PPFIA4: variants seen among roughly 807,000 people sequenced by gnomAD.
The protein encoded by PPFIA4 is liprin-alpha-4.
In PPFIA4, 98 loss-of-function variants were observed where a neutral mutation model predicts 145.7. The ratio of observed to expected loss-of-function variants is 0.67; its 90% confidence interval spans 0.57 to 0.80. The LOEUF (loss-of-function observed/expected upper bound fraction) is 0.80, where lower values mean the gene tolerates loss of function less well. PPFIA4 is among the 30% of genes least tolerant of loss of function. The pLI, the probability that PPFIA4 is intolerant of heterozygous loss-of-function variation, is 0.00. For missense variants in PPFIA4, 1,457 were observed against 1,632.7 expected (o/e 0.89, Z 1.85); for synonymous variants, 628 against 649.6 (o/e 0.97, Z 0.51).
chr1:203,041,583 C>A (rs78761625), intron 2 of PPFIA4, among the ~76,000 whole-genome samples: 1 of 152,132 alleles, frequency 6.6e-6, no homozygotes, highest in Non-Finnish European at 1.5e-5. Flanking sequence ...CAGAGGAGAC[C>A]GTCTCCTGTG....
chr1:203,070,144 T>C (rs1194154873), intron 27 of PPFIA4, among the ~76,000 whole-genome samples: 1 of 152,154 alleles, frequency 6.6e-6, no homozygotes, highest in Non-Finnish European at 1.5e-5. Context: ...GCATTCAGTT[T>C]TGGAGGATAG....
chr1:203,052,130 G>A (rs1044738907), intron 14 of PPFIA4, among the ~76,000 whole-genome samples: 9 of 148,850 alleles, frequency 6.0e-5, no homozygotes, highest in African/African-American at 2.2e-4. Flanking sequence ...CCCCACTGAA[G>A]TGTGTGTGCG....
intron 18 of PPFIA4, 78 bp downstream of exon 18, chr1:203,056,586 G>C: frequency 6.5e-7 from 1 of 1,528,300 alleles, no homozygotes; most frequent in Non-Finnish European, 8.8e-7. Context: ...TGCAGGGACC[G>C]CATCTCCCCT....
chr1:203,027,082 C>T (rs2102596080), intron 1 of PPFIA4, among the ~76,000 whole-genome samples: 1 of 152,372 alleles, frequency 6.6e-6, no homozygotes, highest in South Asian at 2.1e-4. Flanking sequence ...TCCCGAGTTG[C>T]TCATAGCACC....
Position 203,060,487 on chromosome 1 carries a change from G to A in PPFIA4, c.2784+70G>A. On this transcript the variant is annotated intron_variant, in intron 22 of 29. Coordinates refer to ENST00000295706, the MANE Select transcript of PPFIA4 (RefSeq NM_001304331.2). The surrounding 1 kb of genome is among the most constrained non-coding windows in gnomAD (Gnocchi z 4.8). ...AACATAGTTTGCAAGGTCTCCTGTT[G>A]GGCTTTGGGAAGATGGCAGCATTGA... 2 of 1,531,526 alleles carry A rather than the reference G, an allele frequency of 1.3e-6. 1 individual carries two copies. Among genetic ancestry groups the A allele is most frequent in the South Asian group, 2.3e-5 (2 of 87,950 alleles). 94.9% of individuals were successfully genotyped at this position (1,531,526 alleles called of 1,614,324 possible).
chr1:203,038,805 T>A lies in PPFIA4; in HGVS notation c.-204T>A. 2.2e-6 allele frequency: 1 copy of A among 463,092 alleles called. No homozygotes were observed. Among genetic ancestry groups the A allele is most frequent in the Non-Finnish European group, 3.8e-6 (1 of 261,138 alleles). The allele number at this position is 463,092 out of a possible 1,614,324, so 28.7% of individuals were successfully genotyped here. On this transcript the variant is annotated 5_prime_UTR_variant, in exon 2 of 30. Transcript: ENST00000295706. ...CCCTGAGAAGTTAAGCCAGGCCTTC[T>A]GGCTCAGTTCCACAGGGGCACTCCA...
At position 203,044,435 on chromosome 1, in the gene PPFIA4, G is replaced by T. The variant is rs1361487332; in HGVS notation, c.558G>T (p.Leu186=). ...LERVTTLEEQ[L]AGAHQQVSAL... ...GAGTCACCACCTTGGAGGAGCAGCT[G>T]GCAGGTGCCCACCAGCAGGTAATCT... The change falls in exon 5 of 30, where the codon CTG becomes CTT. Residue 186 remains leucine, a synonymous_variant. Transcript: ENST00000295706. The T allele has an allele frequency of 3.9e-6, 6 of 1,551,276 alleles. No homozygotes were observed. In the South Asian group the frequency reaches 5.9e-5, roughly 15 times the overall value.
At position 203,046,121 on chromosome 1, in the gene PPFIA4, G is replaced by A. The variant is rs114122079; in HGVS notation, c.1006-127G>A. The A allele has an allele frequency of 8.1e-5, 125 of 1,550,672 alleles. No individual in the cohort carries two copies. In the African/African-American group the frequency reaches 1.1e-3, roughly 13 times the overall value. The stretch of plus-strand genomic sequence containing the variant: ...TTTGAAAGGGGAAGTCAGGCGTCTC[G>A]GGCAGCCAACAACCAAGATTGTCCC... On this transcript the variant is annotated intron_variant, in intron 8 of 29. Coordinates refer to ENST00000295706, the MANE Select transcript of PPFIA4 (RefSeq NM_001304331.2).
chr1:203,054,013 CT>C, intron 15 of PPFIA4, 52 bp downstream of exon 15: 1 of 1,534,554 alleles, frequency 6.5e-7, no homozygotes, highest in Non-Finnish European at 8.8e-7. Flanking sequence ...CAGGGGGGCC[CT>C]TTGTGTTGGA....
chr1:203,049,103 A>G, intron 12 of PPFIA4, 123 bp downstream of exon 12: 1 of 896,164 alleles, frequency 1.1e-6, no homozygotes, highest in Non-Finnish European at 1.7e-6. Context: ...TTAGTGCACT[A>G]CATACATTAT....
chr1:203,027,203 C>T (rs1027155579), intron 1 of PPFIA4, among the ~76,000 whole-genome samples: 2 of 145,642 alleles, frequency 1.4e-5, no homozygotes, highest in African/African-American at 5.1e-5. Context: ...GCGGCCAACC[C>T]GAGGCCTGGT....
chr1:203,044,129 C>A, intron 4 of PPFIA4, 34 bp downstream of exon 4: 1 of 1,546,420 alleles, frequency 6.5e-7, no homozygotes, highest in Non-Finnish European at 8.7e-7. Flanking sequence ...CACATCCAGC[C>A]AGGCTGCCCT....
At chr1:203,029,710 G>A (rs1163470780) in intron 1 of PPFIA4, among the ~76,000 whole-genome samples, 1 of 152,214 alleles carries the variant, frequency 6.6e-6, no homozygotes, top group East Asian at 1.9e-4. Flanking sequence ...GGGGACCCAG[G>A]ACACTGGTGT....
rs1490487731 is a variant in PPFIA4, at chr1:203,071,733, C to A, written c.3366C>A (p.Ala1122=). Residue 1122 remains alanine, a synonymous_variant, in exon 28 of 30, where the codon GCC becomes GCA. Transcript: ENST00000295706. ...VMEREFNNLL[A]LGTDRKLDDG... ...AAAGAGAGTTCAATAACCTGTTGGCCTTGGGCACAGACCGGAAGCTGGATG... is the reference window on the plus strand; with the variant it reads ...AAAGAGAGTTCAATAACCTGTTGGCATTGGGCACAGACCGGAAGCTGGATG... 8 of 1,613,060 alleles carry A rather than the reference C, an allele frequency of 5.0e-6. No homozygotes were observed. Among genetic ancestry groups the A allele is most frequent in the Non-Finnish European group, 6.8e-6 (8 of 1,179,436 alleles).
chr1:203,068,619 G>C lies in PPFIA4; in HGVS notation c.3315G>C (p.Gln1105His), dbSNP rs764462366. Residue 1105 changes from glutamine to histidine, a missense_variant, in exon 27 of 30, where the codon CAG (glutamine) becomes CAC (histidine). Gln to His is a conservative substitution (Grantham distance 24, BLOSUM62 0). This residue lies in a region of PPFIA4 where 848 missense variants were observed against 1,046.7 expected (regional missense o/e 0.81). Coordinates refer to ENST00000295706, the MANE Select transcript of PPFIA4 (RefSeq NM_001304331.2). The surrounding 1 kb of genome is among the most constrained non-coding windows in gnomAD (Gnocchi z 4.7). ...TLALILQIPT[Q>H]NTQARQVMER... is the part of the protein sequence containing the mutation. The stretch of plus-strand genomic sequence containing the variant: ...CCCTGATCCTCCAGATCCCCACACA[G>C]AACACCCAGGTGGGCAGCCTTTTAA... 1 of 1,530,674 alleles carries C rather than the reference G, an allele frequency of 6.5e-7. No individual in the cohort carries two copies. Among genetic ancestry groups the C allele is most frequent in the Non-Finnish European group, 8.8e-7 (1 of 1,142,574 alleles). 94.8% of individuals were successfully genotyped at this position (1,530,674 alleles called of 1,614,324 possible).
At chr1:203,040,055 A>G (rs868080657) in intron 2 of PPFIA4, among the ~76,000 whole-genome samples, 29 of 152,216 alleles carry the variant, frequency 1.9e-4, no homozygotes, top group African/African-American at 6.5e-4. Context: ...TATTCCAGGC[A>G]TGGCGCATGC....
At chr1:203,039,974 C>T (rs1659584066) in intron 2 of PPFIA4, among the ~76,000 whole-genome samples, 1 of 152,214 alleles carries the variant, frequency 6.6e-6, no homozygotes, top group Admixed American at 6.5e-5. Context: ...CTCACCACTG[C>T]ACCTATTTCT....
At chr1:203,053,725 G>T in intron 14 of PPFIA4, 28 bp from the exon 15 acceptor site, 1 of 1,543,036 alleles carries the variant, frequency 6.5e-7, no homozygotes, top group South Asian at 1.2e-5. Context: ...GTCTTATTAC[G>T]ACTCCTTTAC....
chr1:203,058,499 G>A (rs992986298), intron 19 of PPFIA4, among the ~76,000 whole-genome samples: 2 of 152,176 alleles, frequency 1.3e-5, no homozygotes, highest in African/African-American at 2.4e-5. Flanking sequence ...TATGATTTTC[G>A]ATGCTCTCCA....
Sources: gnomAD v4.1 joint callset for allele counts (sites outside exome capture counted in the v4.1 genomes callset) on GRCh38, gnomAD v4.1.1 for gene constraint, gnomAD v4.1.1 regional missense constraint, Gnocchi (gnomAD v3.1) non-coding constraint, MANE v1.5 for transcripts, NCBI Gene and HGNC (gene_info 2026-07-23, HGNC 2026-07-21) for gene names.